Variants in ATG4B observed in about 807,000 individuals in gnomAD.
ATG4B encodes autophagy related 4B cysteine peptidase.
ATG4B carries 29 observed loss-of-function variants against 56.6 expected under a neutral mutation model. That is an observed-to-expected ratio of 0.51 (90% CI 0.38 to 0.70). The LOEUF is 0.70. Among genes scored for constraint, ATG4B ranks in the 30% least tolerant of loss-of-function variants. The pLI is 0.00. For missense variants in ATG4B, 461 were observed against 515.5 expected (o/e 0.89, Z 1.02); for synonymous variants, 224 against 206.1 (o/e 1.09, Z -0.74).
chr2:241,665,699 A>G (rs2068739485), intron 7 of ATG4B, among the ~76,000 whole-genome samples: 2 of 152,196 alleles, frequency 1.3e-5, no homozygotes, highest in South Asian at 4.1e-4. Context: ...TTTCCTTTGT[A>G]ATTAATGAAT....
chr2:241,637,819 G>T (rs1206646050), intron 1 of ATG4B, 95 bp downstream of exon 1: 3 of 1,418,370 alleles, frequency 2.1e-6, no homozygotes, highest in African/African-American at 3.0e-5. Flanking sequence ...CTCGCCTCGG[G>T]GCACGCCGGT....
intron 1 of ATG4B, among the ~76,000 whole-genome samples, chr2:241,642,872 CTTTT>C (rs1165718825): frequency 1.9e-5 from 2 of 104,258 alleles, no homozygotes; most frequent in Admixed American, 1.1e-4. Context: ...CCTCTCCGTC[CTTTT>C]TTTTTTTTTT....
intron 6 of ATG4B, among the ~76,000 whole-genome samples, chr2:241,657,842 C>T (rs1045724127): frequency 2.0e-5 from 3 of 152,230 alleles, no homozygotes; most frequent in East Asian, 3.8e-4. Flanking sequence ...CTGCCTTGAA[C>T]CGCCCTGGCT....
Position 241,668,839 on chromosome 2 carries a change from G to A in ATG4B, c.957+154G>A. On this transcript the variant is annotated intron_variant, in intron 10 of 12. Coordinates refer to ENST00000404914, the MANE Select transcript of ATG4B (RefSeq NM_013325.5). This position sits in a 1 kb window ranked among gnomAD's most constrained non-coding sequence, Gnocchi z 4.2. The stretch of plus-strand genomic sequence containing the variant: ...GGGAATCTGAAGGGTATAAGAGCCG[G>A]AACTGTGTCCTTGCACCCTCACGTC... 1 of 1,156,022 alleles carries A rather than the reference G, an allele frequency of 8.7e-7. No homozygotes were observed. Among genetic ancestry groups the A allele is most frequent in the Non-Finnish European group, 1.2e-6 (1 of 830,388 alleles). 71.6% of individuals were successfully genotyped at this position (1,156,022 alleles called of 1,614,324 possible).
At chr2:241,639,547 C>T (rs919576843) in intron 1 of ATG4B, among the ~76,000 whole-genome samples, 1 of 152,138 alleles carries the variant, frequency 6.6e-6, no homozygotes, top group African/African-American at 2.4e-5. Context: ...TCTTGTCCCA[C>T]GTCCAAGAAG....
At chr2:241,642,653 T>A (rs2067927705) in intron 1 of ATG4B, among the ~76,000 whole-genome samples, 1 of 151,724 alleles carries the variant, frequency 6.6e-6, no homozygotes, top group Non-Finnish European at 1.5e-5. Flanking sequence ...TGAGTACAAT[T>A]CCCTACATTT....
chr2:241,670,894 G>A (rs550933490), intron 11 of ATG4B, 112 bp downstream of exon 11: 59 of 1,159,196 alleles, frequency 5.1e-5, no homozygotes, highest in South Asian at 7.9e-5. Context: ...TCACTGGGCC[G>A]TGGGGAGCTT....
In ATG4B at chr2:241,672,528, G is replaced by C; in HGVS notation, c.*264G>C. The C allele has an allele frequency of 2.0e-6, 1 of 504,774 alleles. No homozygotes were observed. The highest frequency in any genetic ancestry group is 3.6e-6 in the Non-Finnish European group (1 of 280,436). The allele number at this position is 504,774 out of a possible 1,614,324, so 31.3% of individuals were successfully genotyped here. Reference sequence around the variant, plus strand: ...TTAGGAGCTTCCAGAGTGTTCTCTCGACACTGCCAGCCCCGTGTTAGCACC... The same window carrying C: ...TTAGGAGCTTCCAGAGTGTTCTCTCCACACTGCCAGCCCCGTGTTAGCACC... On this transcript the variant is annotated 3_prime_UTR_variant, in exon 13 of 13. Coordinates refer to ENST00000404914, the MANE Select transcript of ATG4B (RefSeq NM_013325.5).
Position 241,667,849 on chromosome 2 carries a change from A to G in ATG4B, c.733-294A>G, listed in dbSNP as rs146767139. On this transcript the variant is annotated intron_variant, in intron 8 of 12. Coordinates refer to ENST00000404914, the MANE Select transcript of ATG4B (RefSeq NM_013325.5). ...TCAGGTCAAAGCACTCAGCAGGGCC[A>G]CCTCCCGCACCCCTGCTCACATCTC... 565 of 373,842 alleles carry G rather than the reference A, an allele frequency of 1.5e-3. 2 individuals are homozygous for G. Among genetic ancestry groups the G allele is most frequent in the African/African-American group, 0.011 (526 of 47,840 alleles). 23.2% of individuals were successfully genotyped at this position (373,842 alleles called of 1,614,324 possible).
intron 6 of ATG4B, among the ~76,000 whole-genome samples, chr2:241,655,967 C>T (rs187005451): frequency 3.2e-4 from 48 of 152,316 alleles, no homozygotes; most frequent in African/African-American, 1.1e-3. Context: ...TGGTCTGATT[C>T]CATGTGTCCT....
In ATG4B at chr2:241,672,537, A is replaced by T. The variant is rs946616566; in HGVS notation, c.*273A>T. The T allele has an allele frequency of 2.1e-6, 1 of 486,212 alleles. No homozygotes were observed. The highest frequency in any genetic ancestry group is 1.9e-5 in the African/African-American group (1 of 51,632). 30.1% of individuals were successfully genotyped at this position (486,212 alleles called of 1,614,324 possible). A position where few individuals can be genotyped will look rare whatever the true frequency, so the allele number is the denominator to read the frequency against. ...TCCAGAGTGTTCTCTCGACACTGCC[A>T]GCCCCGTGTTAGCACCTGGGCCTCA... On this transcript the variant is annotated 3_prime_UTR_variant, in exon 13 of 13. Coordinates refer to ENST00000404914, the MANE Select transcript of ATG4B (RefSeq NM_013325.5).
At chr2:241,667,064 G>C (rs1281325738) in intron 8 of ATG4B, among the ~76,000 whole-genome samples, 1 of 152,212 alleles carries the variant, frequency 6.6e-6, no homozygotes, top group Non-Finnish European at 1.5e-5. Flanking sequence ...GAGTGTCGAG[G>C]ATGAAAGCAT....
In ATG4B at chr2:241,651,306, T is replaced by A; in HGVS notation, c.155T>A (p.Phe52Tyr). ...ILSDVASRLW[F>Y]TYRKNFPAIG... ...TCTGATGTGGCATCTAGACTTTGGT[T>A]TACATACAGGAAAAACTTTCCAGCC... The change falls in exon 3 of 13, where the codon TTT (phenylalanine) becomes TAT (tyrosine). Residue 52 changes from phenylalanine (F) to tyrosine (Y), a missense_variant. Coordinates refer to ENST00000404914, the MANE Select transcript of ATG4B (RefSeq NM_013325.5). The surrounding 1 kb of genome is among the most constrained non-coding windows in gnomAD (Gnocchi z 4.1). 6.2e-7 allele frequency: 1 copy of A among 1,602,666 alleles called. No individual in the cohort carries two copies.
chr2:241,664,348 A>G (rs760510708), intron 7 of ATG4B, among the ~76,000 whole-genome samples: 15 of 151,970 alleles, frequency 9.9e-5, no homozygotes, highest in Non-Finnish European at 2.2e-4. Flanking sequence ...CCTAGGTAAC[A>G]TGGTAAAACC....
intron 12 of ATG4B, chr2:241,671,652 G>C: frequency 6.9e-7 from 1 of 1,444,034 alleles, no homozygotes; most frequent in South Asian, 1.3e-5. Context: ...TGTGGAGCTG[G>C]GCGTGCTACC....
At chr2:241,656,103 G>A (rs904199264) in intron 6 of ATG4B, among the ~76,000 whole-genome samples, 1 of 151,942 alleles carries the variant, frequency 6.6e-6, no homozygotes, top group Non-Finnish European at 1.5e-5. Context: ...CCCCCTTGAA[G>A]CCTCTCCTTC....
rs2068536239 is a variant in ATG4B at position 241,659,860 on chromosome 2, A to G, written c.538+673A>G. ...AATTCCAATTTTATTGAAGTTCTAC[A>G]TGTAGGCTATTGCCTTGAATCCAAT... On this transcript the variant is annotated intron_variant, in intron 7 of 12. Transcript: ENST00000404914. 3 of 165,450 alleles carry G rather than the reference A, an allele frequency of 1.8e-5. No individual in the cohort carries two copies. The South Asian group carries it at 4.5e-4, about 25-fold the overall frequency. The allele number at this position is 165,450 out of a possible 1,614,324, so 10.2% of individuals were successfully genotyped here.
intron 7 of ATG4B, among the ~76,000 whole-genome samples, chr2:241,664,107 C>A (rs182381531): frequency 6.6e-6 from 1 of 151,950 alleles, no homozygotes; most frequent in Non-Finnish European, 1.5e-5. Flanking sequence ...CGTGAGCCAC[C>A]GTGCCTGGAC....
At chr2:241,649,301 A>T (rs1197779458) in intron 1 of ATG4B, among the ~76,000 whole-genome samples, 1 of 152,254 alleles carries the variant, frequency 6.6e-6, no homozygotes, top group Admixed American at 6.5e-5. Context: ...ACCTGTGCAT[A>T]AAGACTTCTG....
Sources: gnomAD v4.1 joint callset for allele counts (sites outside exome capture counted in the v4.1 genomes callset) on GRCh38, gnomAD v4.1.1 for gene constraint, Gnocchi (gnomAD v3.1) non-coding constraint, MANE v1.5 for transcripts, NCBI Gene and HGNC (gene_info 2026-07-23, HGNC 2026-07-21) for gene names.